Variants in VPS53 observed in about 807,000 individuals in gnomAD.
The protein encoded by VPS53 is VPS53 subunit of GARP complex, also known as vacuolar protein sorting-associated protein 53 homolog.
VPS53 carries 70 observed loss-of-function variants against 107.0 expected under a neutral mutation model. That is an observed-to-expected ratio of 0.65 (90% CI 0.54 to 0.80). The LOEUF is 0.80. Ranked by LOEUF, VPS53 falls within the 30% of genes least tolerant of loss-of-function variation. The probability of loss-of-function intolerance (pLI) is 0.00; values close to 1 mark genes in which losing one functional copy is unlikely to be tolerated. For synonymous variants in VPS53, 409 were observed against 393.3 expected (o/e 1.04, Z -0.47); for missense variants, 917 against 1,049.4 (o/e 0.87, Z 1.74).
At chr17:699,412 T>C (rs1973112708) in intron 2 of VPS53, 32 bp from the exon 3 acceptor site, 2 of 1,518,074 alleles carry the variant, frequency 1.3e-6, no homozygotes, top group Non-Finnish European at 1.8e-6. Flanking sequence ...GCCCAGCTGT[T>C]AGTCCACTTC....
intron 5 of VPS53, among the ~76,000 whole-genome samples, chr17:656,642 T>G (rs961721307): frequency 1.3e-5 from 2 of 152,020 alleles, no homozygotes; most frequent in African/African-American, 4.8e-5. Context: ...ATTCCCCAAC[T>G]TTACTAACAC....
chr17:590,574 G>A (rs1391782784), intron 12 of VPS53, among the ~76,000 whole-genome samples: 1 of 152,130 alleles, frequency 6.6e-6, no homozygotes, highest in Non-Finnish European at 1.5e-5. Context: ...TTTATTGAGA[G>A]TTTTTAGCAT....
intron 1 of VPS53, among the ~76,000 whole-genome samples, chr17:710,958 T>G (rs1278882728): frequency 2.6e-5 from 4 of 151,980 alleles, no homozygotes; most frequent in Non-Finnish European, 5.9e-5. Context: ...ATTAAATTAA[T>G]TAATTAATTA....
intron 4 of VPS53, among the ~76,000 whole-genome samples, chr17:671,641 C>T (rs1040223476): frequency 6.6e-6 from 1 of 151,966 alleles, no homozygotes; most frequent in African/African-American, 2.4e-5. Context: ...TTCCTTTCAC[C>T]GTGTTTCTAC....
At chr17:636,449 C>T (rs1267242538) in intron 7 of VPS53, among the ~76,000 whole-genome samples, 1 of 152,208 alleles carries the variant, frequency 6.6e-6, no homozygotes, top group Non-Finnish European at 1.5e-5. Context: ...TCTTCCAACA[C>T]TATGTTGAAT....
intron 11 of VPS53, among the ~76,000 whole-genome samples, chr17:620,901 C>T (rs576450097): frequency 6.6e-6 from 1 of 152,134 alleles, no homozygotes; most frequent in Admixed American, 6.5e-5. Flanking sequence ...AGCCACCGCA[C>T]CCGGCCTCTA....
chr17:529,433 G>A (rs1909367324), intron 19 of VPS53, among the ~76,000 whole-genome samples: 1 of 150,798 alleles, frequency 6.6e-6, no homozygotes, highest in South Asian at 2.1e-4. Flanking sequence ...CCCCTGCTGG[G>A]ATTCTACTGT....
At chr17:541,092 G>T (rs888908427) in intron 17 of VPS53, among the ~76,000 whole-genome samples, 1 of 152,178 alleles carries the variant, frequency 6.6e-6, no homozygotes, top group Non-Finnish European at 1.5e-5. Context: ...CAGACAGCTG[G>T]GCTCTGGGAA....
intron 13 of VPS53, among the ~76,000 whole-genome samples, chr17:575,400 C>T (rs975688144): frequency 1.3e-5 from 2 of 152,136 alleles, no homozygotes; most frequent in East Asian, 1.9e-4. Context: ...GACCTAAATG[C>T]GTAAATGCAA....
chr17:679,212 TAAA>T (rs1054471317), intron 4 of VPS53, among the ~76,000 whole-genome samples: 3 of 151,596 alleles, frequency 2.0e-5, no homozygotes, highest in Admixed American at 6.6e-5. Flanking sequence ...AGAGAAAACA[TAAA>T]ATTAAGAATG....
intron 4 of VPS53, 47 bp from the exon 5 acceptor site, chr17:661,942 C>T: frequency 7.0e-7 from 1 of 1,438,762 alleles, no homozygotes; most frequent in Non-Finnish European, 9.5e-7. Context: ...CTAGAGACAG[C>T]TCCAGTCACT....
intron 17 of VPS53, among the ~76,000 whole-genome samples, chr17:547,679 C>G (rs1031311955): frequency 6.6e-6 from 1 of 152,072 alleles, no homozygotes; most frequent in Non-Finnish European, 1.5e-5. Flanking sequence ...ACTCTGTCAC[C>G]CAGGCTGGAG....
chr17:703,710 TA>T (rs758748115), intron 2 of VPS53, among the ~76,000 whole-genome samples: 1 of 152,142 alleles, frequency 6.6e-6, no homozygotes, highest in South Asian at 2.1e-4. Context: ...CCCAGGACAG[TA>T]TGACCACAAT....
intron 14 of VPS53, among the ~76,000 whole-genome samples, chr17:561,140 A>T (rs1597302110): frequency 6.6e-6 from 1 of 152,114 alleles, no homozygotes; most frequent in African/African-American, 2.4e-5. Flanking sequence ...AAGGGGACTC[A>T]TGTGTGCTTG....
At chr17:598,384 C>T (rs982014101) in intron 12 of VPS53, among the ~76,000 whole-genome samples, 1 of 147,492 alleles carries the variant, frequency 6.8e-6, no homozygotes, top group African/African-American at 2.5e-5. Context: ...GGCCACCACC[C>T]CGTCTGGGAA....
intron 11 of VPS53, among the ~76,000 whole-genome samples, chr17:602,790 G>A (rs1968386594): frequency 6.6e-6 from 1 of 152,198 alleles, no homozygotes; most frequent in South Asian, 2.1e-4. Flanking sequence ...TACAACTACA[G>A]AATCAAGGCA....
At chr17:551,780 G>C (rs1370631834) in intron 17 of VPS53, 92 bp downstream of exon 17, 1 of 1,162,280 alleles carries the variant, frequency 8.6e-7, no homozygotes, top group Non-Finnish European at 1.2e-6. Context: ...TTTACGCTCC[G>C]ATGAGCCTGG....
intron 8 of VPS53, among the ~76,000 whole-genome samples, chr17:630,443 G>A (rs888352656): frequency 7.2e-5 from 11 of 152,092 alleles, no homozygotes; most frequent in African/African-American, 2.7e-4. Flanking sequence ...TTTTCCTCAT[G>A]TAATAAATAG....
intron 4 of VPS53, among the ~76,000 whole-genome samples, chr17:663,641 G>C (rs1038323142): frequency 1.3e-5 from 2 of 152,218 alleles, no homozygotes; most frequent in Admixed American, 6.5e-5. Context: ...GCAGGCCACG[G>C]ATGTGTATAG....
Sources: allele counts gnomAD v4.1 joint callset (sites outside exome capture counted in the v4.1 genomes callset), GRCh38; gene constraint gnomAD v4.1.1; transcripts MANE v1.5; gene names NCBI Gene and HGNC (gene_info 2026-07-23, HGNC 2026-07-21).